The following VIPR1 variants were observed in gnomAD, a reference collection of about 807,000 sequenced individuals.
VIPR1 encodes the protein vasoactive intestinal polypeptide receptor 1.
VIPR1 carries 59 observed loss-of-function variants against 58.8 expected under a neutral mutation model. The ratio of observed to expected loss-of-function variants is 1.00; its 90% CI spans 0.81 to 1.25. The LOEUF is 1.25. VIPR1 is among the 50% of genes most tolerant of loss of function. The pLI, the probability that VIPR1 is intolerant of heterozygous loss-of-function variation, is 0.00. For missense variants in VIPR1, 626 were observed against 602.7 expected, an observed-to-expected ratio of 1.04 and a Z score of -0.40; for synonymous variants, 251 against 242.1, an observed-to-expected ratio of 1.04 and a Z score of -0.34.
At chr3:42,531,449 T>C in intron 7 of VIPR1, 22 bp from the exon 8 acceptor site, 2 of 1,564,036 alleles carry the variant, frequency 1.3e-6, no homozygotes, top group Non-Finnish European at 1.7e-6. Context: ...CTCTGCTCTT[T>C]CACTCTCCCT....
At position 42,519,282 on chromosome 3, in the gene VIPR1, G is replaced by A. The variant is rs202125390; in HGVS notation, c.244G>A (p.Val82Ile). 18 of 1,611,054 alleles carry A rather than the reference G, an allele frequency of 1.1e-5. No homozygotes were observed. The highest frequency in any genetic ancestry group is 1.4e-5 in the Non-Finnish European group (17 of 1,178,784). The change falls in exon 3 of 13, where the codon GTT becomes ATT. Residue 82 changes from valine (V) to isoleucine (I), a missense_variant. Transcript: ENST00000325123. ...CWPATPRGQV[V>I]VLACPLIFKL... ...GCCAGCCACCCCTCGGGGCCAGGTAGTTGTCTTGGCCTGTCCCCTCATCTT... is the reference window on the plus strand; with the variant it reads ...GCCAGCCACCCCTCGGGGCCAGGTAATTGTCTTGGCCTGTCCCCTCATCTT...
Position 42,519,223 on chromosome 3 carries a change from G to T in VIPR1, c.185G>T (p.Gly62Val), listed in dbSNP as rs745770073. 6.8e-6 allele frequency: 11 copies of T among 1,606,428 alleles called. No homozygotes were observed. The Admixed American group carries it at 1.4e-4, about 20-fold the overall frequency. ...TGTGTCTTCTGCCTTACCCCCATAGGCTGCAGCAAGATGTGGGACAACCTC... is the reference window on the plus strand; with the variant it reads ...TGTGTCTTCTGCCTTACCCCCATAGTCTGCAGCAAGATGTGGGACAACCTC... ...EEAQLENETI[G>V]CSKMWDNLTC... Residue 62 changes from glycine (G) to valine (V), a missense_variant and splice_region_variant, in exon 3 of 13, where the codon GGC becomes GTC. Coordinates refer to ENST00000325123, the MANE Select transcript of VIPR1 (RefSeq NM_004624.4).
chr3:42,496,842 CCAAA>C (rs757185539), intron 1 of VIPR1, among the ~76,000 whole-genome samples: 4 of 151,998 alleles, frequency 2.6e-5, no homozygotes, highest in South Asian at 2.1e-4. Context: ...TTTAATCTTC[CCAAA>C]CAAACAATCT....
Position 42,502,730 on chromosome 3 carries a change from C to A in VIPR1, c.-6C>A. On this transcript the variant is annotated 5_prime_UTR_variant, in exon 1 of 13. Coordinates refer to ENST00000325123, the MANE Select transcript of VIPR1 (RefSeq NM_004624.4). ...GGGGCCGCCCGCCGCGGGCTCAGGG[C>A]AGACCATGCGCCCGCCAAGTCCGCT... 1 of 1,323,202 alleles carries A rather than the reference C, an allele frequency of 7.6e-7. No homozygotes were observed. The highest frequency in any genetic ancestry group is 9.6e-7 in the Non-Finnish European group (1 of 1,040,066). The allele number at this position is 1,323,202 out of a possible 1,614,324, so 82.0% of individuals were successfully genotyped here.
Position 42,537,253 on chromosome 3 carries a change from G to C in VIPR1, c.*972G>C, listed in dbSNP as rs963151701. 6.6e-6 allele frequency: 1 copy of C among 152,224 alleles called. No homozygotes were observed. The highest frequency in any genetic ancestry group is 2.4e-5 in the African/African-American group (1 of 41,456). The allele number at this position is 152,224 out of a possible 1,614,324, so 9.4% of individuals were successfully genotyped here. A position where few individuals can be genotyped will look rare whatever the true frequency, so the allele number is the denominator to read the frequency against. ...ACATACAGGATTTGAACTCAGATCTGTCTGATAGGAATGTGAAAGCACGGA... is the reference window on the plus strand; with the variant it reads ...ACATACAGGATTTGAACTCAGATCTCTCTGATAGGAATGTGAAAGCACGGA... On this transcript the variant is annotated 3_prime_UTR_variant, in exon 13 of 13. Transcript: ENST00000325123.
intron 3 of VIPR1, among the ~76,000 whole-genome samples, chr3:42,522,266 C>T (rs1023522151): frequency 1.3e-5 from 2 of 151,540 alleles, no homozygotes; most frequent in Non-Finnish European, 2.9e-5. Context: ...CGCCCGCCAC[C>T]ACACCTAATT....
Position 42,532,305 on chromosome 3 carries a change from A to G in VIPR1, c.982A>G (p.Ile328Val). ...ILLQKLRPPD[I>V]RKSDSSPYSR... ...GCTTCAGAAACTGCGGCCCCCAGATATCAGGAAGAGTGACAGCAGTCCATA... is the reference window on the plus strand; with the variant it reads ...GCTTCAGAAACTGCGGCCCCCAGATGTCAGGAAGAGTGACAGCAGTCCATA... Residue 328 changes from isoleucine to valine, a missense_variant, in exon 10 of 13, where the codon ATC becomes GTC. Coordinates refer to ENST00000325123, the MANE Select transcript of VIPR1 (RefSeq NM_004624.4). The G allele has an allele frequency of 6.2e-7, 1 of 1,614,096 alleles. No individual in the cohort carries two copies. Among genetic ancestry groups the G allele is most frequent in the Non-Finnish European group, 8.5e-7 (1 of 1,180,016 alleles).
chr3:42,528,029 T>C lies in VIPR1; in HGVS notation c.542T>C (p.Leu181Pro), dbSNP rs769046349. ...ACGCGGAACTACATCCACATGCACC[T>C]CTTCATATCCTTCATCCTGAGGGCT... Reference protein sequence around the residue: ...HCTRNYIHMHLFISFILRAAA... With the variant: ...HCTRNYIHMHPFISFILRAAA... The change falls in exon 6 of 13, where the codon CTC becomes CCC. Residue 181 changes from leucine to proline, a missense_variant. Coordinates refer to ENST00000325123, the MANE Select transcript of VIPR1 (RefSeq NM_004624.4). 6.2e-7 allele frequency: 1 copy of C among 1,613,972 alleles called. No individual in the cohort carries two copies. Among genetic ancestry groups the C allele is most frequent in the Admixed American group, 1.7e-5 (1 of 60,014 alleles).
At chr3:42,513,173 T>A (rs943427450) in intron 1 of VIPR1, among the ~76,000 whole-genome samples, 5 of 152,148 alleles carry the variant, frequency 3.3e-5, no homozygotes, top group Admixed American at 3.3e-4. Context: ...AGGAGGCAGG[T>A]GAGGTCTGGG....
In VIPR1 at chr3:42,527,988, C is replaced by G; in HGVS notation, c.504-3C>G. The G allele has an allele frequency of 6.2e-7, 1 of 1,613,688 alleles. No homozygotes were observed. The highest frequency in any genetic ancestry group is 8.5e-7 in the Non-Finnish European group (1 of 1,179,746). Reference sequence around the variant, plus strand: ...GCCTCCCAGATCTGCCCACCCCACACAGGAAGCTCCACTGCACGCGGAACT... The same window carrying G: ...GCCTCCCAGATCTGCCCACCCCACAGAGGAAGCTCCACTGCACGCGGAACT... On this transcript the variant is annotated splice_polypyrimidine_tract_variant and splice_region_variant and intron_variant, in intron 5 of 12. Transcript: ENST00000325123.
rs115667394 is a variant in VIPR1, at chr3:42,533,846, T to C, written c.1011-1129T>C. The C allele has an allele frequency of 9.5e-3, 1,456 of 152,470 alleles. 21 individuals carry two copies. Among genetic ancestry groups the C allele is most frequent in the Non-Finnish European group, 0.012 (839 of 68,124 alleles). 9.4% of individuals were successfully genotyped at this position (152,470 alleles called of 1,614,324 possible). The stretch of plus-strand genomic sequence containing the variant: ...GTGGGAGGGGCAAGGCCAGCTCCTC[T>C]GCCCCCAGCTTGCTGTGGGACCTCA... On this transcript the variant is annotated intron_variant, in intron 10 of 12. Transcript: ENST00000325123.
intron 1 of VIPR1, among the ~76,000 whole-genome samples, chr3:42,494,886 C>T (rs1378915872): frequency 6.6e-6 from 1 of 152,104 alleles, no homozygotes; most frequent in Non-Finnish European, 1.5e-5. Context: ...GTTCATATCT[C>T]TTATTTTAAT....
chr3:42,516,286 A>C, intron 2 of VIPR1, among the ~76,000 whole-genome samples: 1 of 152,192 alleles, frequency 6.6e-6, no homozygotes, highest in Non-Finnish European at 1.5e-5. Flanking sequence ...TAGGGCAGGC[A>C]CACAGGAAAT....
chr3:42,512,846 C>T, intron 1 of VIPR1: 1 of 985,496 alleles, frequency 1.0e-6, no homozygotes, highest in Non-Finnish European at 1.2e-6. Context: ...ACGCTTCCTC[C>T]ATGGAGGCCT....
upstream of VIPR1, among the ~76,000 whole-genome samples, chr3:42,500,939 G>A (rs1280366095): frequency 1.3e-5 from 2 of 152,206 alleles, no homozygotes; most frequent in Non-Finnish European, 2.9e-5. Flanking sequence ...AGCTCCCCAA[G>A]TTCCCCTCAT....
upstream of VIPR1, among the ~76,000 whole-genome samples, chr3:42,499,463 G>A (rs577607339): frequency 7.8e-4 from 119 of 152,304 alleles, 1 homozygote; most frequent in African/African-American, 2.6e-3. Flanking sequence ...TCTCTTTCCC[G>A]CCACCTCCCG....
upstream of VIPR1, among the ~76,000 whole-genome samples, chr3:42,499,472 C>G (rs968681102): frequency 6.6e-6 from 1 of 152,224 alleles, no homozygotes; most frequent in Non-Finnish European, 1.5e-5. Context: ...CGCCACCTCC[C>G]GTGTCCTTGG....
intron 1 of VIPR1, chr3:42,508,987 G>A (rs1370724471): frequency 6.6e-6 from 1 of 152,108 alleles, no homozygotes; most frequent in African/African-American, 2.4e-5. Flanking sequence ...TTCTGTAAAG[G>A]GCTAGGGTCA....
chr3:42,528,089 AC>A lies in VIPR1; in HGVS notation c.603del (p.Asp201GlufsTer97). 1.2e-6 allele frequency: 2 copies of A among 1,613,890 alleles called. No homozygotes were observed. Among genetic ancestry groups the A allele is most frequent in the Non-Finnish European group, 1.7e-6 (2 of 1,179,916 alleles). ...TTCATCAAAGACTTGGCCCTCTTCG[AC>A]AGCGGGGAGTCGGACCAGTGCTCCG... The part of the protein sequence containing the change: ...AVFIKDLALF[D>X]SGESDQCSEG... On this transcript the variant is annotated frameshift_variant, in exon 6 of 13. Transcript: ENST00000325123. LOFTEE classifies it high-confidence loss of function.
Sources: allele counts gnomAD v4.1 joint callset (sites outside exome capture counted in the v4.1 genomes callset), GRCh38; gene constraint gnomAD v4.1.1; transcripts MANE v1.5; gene names NCBI Gene and HGNC (gene_info 2026-07-23, HGNC 2026-07-21).